UNKL: variants seen among roughly 807,000 people sequenced by gnomAD.
The protein encoded by UNKL is unk like zinc finger, also known as putative E3 ubiquitin-protein ligase UNKL.
A neutral mutation model predicts 78.0 loss-of-function variants in UNKL; 60 were observed. That is an observed-to-expected ratio of 0.77 (90% CI 0.63 to 0.95). The LOEUF is 0.95. Among genes scored for constraint, UNKL ranks in the 40% least tolerant of loss-of-function variants. The pLI, the probability that UNKL is intolerant of heterozygous loss-of-function variation, is 0.00. For synonymous variants in UNKL, 608 were observed against 474.8 expected, an observed-to-expected ratio of 1.28 and a Z score of -3.65; for missense variants, 1,159 against 1,045.7, an observed-to-expected ratio of 1.11 and a Z score of -1.49.
Position 1,366,096 on chromosome 16 carries a change from C to T in UNKL, c.*144G>A. ...TCAGGCCAAGCGCAGGCGGGGCTCC[C>T]AGCCTCATGATAACGTGTAACAGGA... On this transcript the variant is annotated 3_prime_UTR_variant, in exon 15 of 15. Transcript: ENST00000389221. 9.7e-7 allele frequency: 1 copy of T among 1,033,602 alleles called. No homozygotes were observed. Among genetic ancestry groups the T allele is most frequent in the Admixed American group, 3.4e-5 (1 of 29,764 alleles). 64.0% of individuals were successfully genotyped at this position (1,033,602 alleles called of 1,614,324 possible). A position where few individuals can be genotyped will look rare whatever the true frequency, so the allele number is the denominator to read the frequency against.
rs373842487 is a variant in UNKL, at chr16:1,401,532, C to G, written c.598+36G>C. The G allele has an allele frequency of 1.1e-3, 1,563 of 1,488,214 alleles. 12 individuals are homozygous for G. The highest frequency in any genetic ancestry group is 1.3e-3 in the Non-Finnish European group (1,419 of 1,109,758). 92.2% of individuals were successfully genotyped at this position (1,488,214 alleles called of 1,614,324 possible). A position where few individuals can be genotyped will look rare whatever the true frequency, so the allele number is the denominator to read the frequency against. On this transcript the variant is annotated intron_variant, in intron 4 of 14. Transcript: ENST00000389221. ...GCTGTTCTCGCGCTGTGCCCGCCCC[C>G]CCCACCACCGCCCTCAGCTGCGGCC...
chr16:1,407,103 C>T (rs902846883), intron 2 of UNKL, among the ~76,000 whole-genome samples: 8 of 149,818 alleles, frequency 5.3e-5, no homozygotes, highest in Non-Finnish European at 7.4e-5. Flanking sequence ...GAGCCGAGAT[C>T]GTGTCACTGC....
At chr16:1,377,059 G>A (rs962074675) in intron 10 of UNKL, among the ~76,000 whole-genome samples, 2 of 151,904 alleles carry the variant, frequency 1.3e-5, no homozygotes, top group Non-Finnish European at 2.9e-5. Flanking sequence ...GTCTTGCTCT[G>A]TCACCCAGGC....
chr16:1,383,041 C>A (rs1044017935), intron 10 of UNKL, among the ~76,000 whole-genome samples: 1 of 148,202 alleles, frequency 6.7e-6, no homozygotes, highest in Non-Finnish European at 1.5e-5. Context: ...GGGCAGATCA[C>A]GAGGTCAGGA....
intron 10 of UNKL, 48 bp downstream of exon 10, chr16:1,385,160 T>C: frequency 1.6e-6 from 2 of 1,221,660 alleles, no homozygotes; most frequent in Non-Finnish European, 2.1e-6. Flanking sequence ...AGCTACAGCA[T>C]GAACACAGAA....
intron 10 of UNKL, among the ~76,000 whole-genome samples, chr16:1,374,819 G>A (rs80230851): frequency 0.014 from 2,062 of 152,282 alleles, 48 homozygotes; most frequent in African/African-American, 0.046. Context: ...GCAGCCAAGG[G>A]GCCGCAGAGG....
chr16:1,411,816 G>T (rs1014657425), intron 2 of UNKL: 1 of 152,170 alleles, frequency 6.6e-6, no homozygotes, highest in East Asian at 1.9e-4. Flanking sequence ...CAGAGACTTC[G>T]TCTCAAAACA....
chr16:1,375,130 G>A (rs905047917), intron 10 of UNKL, among the ~76,000 whole-genome samples: 3 of 152,200 alleles, frequency 2.0e-5, no homozygotes, highest in Non-Finnish European at 4.4e-5. Flanking sequence ...CACCCCCCGA[G>A]CCCCCCAGGG....
intron 2 of UNKL, chr16:1,412,272 G>T (rs1194347579): frequency 1.3e-5 from 2 of 152,172 alleles, no homozygotes; most frequent in Admixed American, 1.3e-4. Context: ...TGTAAAAAAA[G>T]AAAAAAATCA....
intron 4 of UNKL, 45 bp downstream of exon 4, chr16:1,401,523 G>GC: frequency 2.0e-6 from 3 of 1,470,346 alleles, no homozygotes; most frequent in South Asian, 1.4e-5. Context: ...CTCGCGCTGT[G>GC]CCCGCCCCCC....
At position 1,393,383 on chromosome 16, in the gene UNKL, A is replaced by C. The variant is rs565415919; in HGVS notation, c.938-407T>G. ...GAGGAAACCCACTGCAGCGTGGAGG[A>C]GGCCGCATGGGTTCCCACTGAGTCC... is the stretch of plus-strand genomic sequence containing the variant. On this transcript the variant is annotated intron_variant, in intron 7 of 14. Transcript: ENST00000389221. Among the ~76,000 whole-genome samples, 45 of 152,116 alleles carry C rather than the reference A, an allele frequency of 3.0e-4. 1 individual carries two copies. Among genetic ancestry groups the C allele is most frequent in the African/African-American group, 9.4e-4 (39 of 41,502 alleles).
chr16:1,385,623 C>T (rs746842998), intron 9 of UNKL, among the ~76,000 whole-genome samples: 8 of 152,204 alleles, frequency 5.3e-5, no homozygotes, highest in Non-Finnish European at 7.3e-5. Context: ...GGGAGTGTCT[C>T]GTGAGCTTTT....
rs1197658091 is a variant in UNKL at position 1,403,022 on chromosome 16, A to C, written c.464+146T>G. ...AAGCAAAAAAAGGACTAACATCCAG[A>C]CTCAGAAAGAAATTCTGGAGGAGAG... On this transcript the variant is annotated intron_variant, in intron 3 of 14. Coordinates refer to ENST00000389221, the MANE Select transcript of UNKL (RefSeq NM_001372107.1). The surrounding 1 kb of genome is among the most constrained non-coding windows in gnomAD (Gnocchi z 4.8). 8 of 1,084,118 alleles carry C rather than the reference A, an allele frequency of 7.4e-6. No homozygotes were observed. Among genetic ancestry groups the C allele is most frequent in the African/African-American group, 3.2e-5 (2 of 62,622 alleles). 67.2% of individuals were successfully genotyped at this position (1,084,118 alleles called of 1,614,324 possible).
intron 2 of UNKL, among the ~76,000 whole-genome samples, chr16:1,411,733 G>A (rs1164103526): frequency 6.6e-6 from 1 of 152,124 alleles, no homozygotes; most frequent in African/African-American, 2.4e-5. Context: ...GCTGAGGCAG[G>A]AGAATCGCTT....
chr16:1,367,123 T>C lies in UNKL; in HGVS notation c.2015A>G (p.Gln672Arg). 1.3e-6 allele frequency: 2 copies of C among 1,589,904 alleles called. No individual in the cohort carries two copies. Among genetic ancestry groups the C allele is most frequent in the Non-Finnish European group, 1.7e-6 (2 of 1,171,294 alleles). ...CACCGCCTCCAGGTCCAGGCGCAGC[T>C]GACTCTGCAGCGAGTGCAGCTTCGG... The part of the protein sequence containing the change: ...PLPKLHSLQS[Q>R]LRLDLEAVDG... Residue 672 changes from glutamine to arginine, a missense_variant, in exon 14 of 15, where the codon CAG becomes CGG. Transcript: ENST00000389221.
intron 12 of UNKL, 53 bp downstream of exon 12, chr16:1,370,077 G>C: frequency 6.5e-7 from 1 of 1,547,084 alleles, no homozygotes; most frequent in Non-Finnish European, 8.7e-7. Context: ...ATCTGGGAGG[G>C]AGCCCCACGG....
intron 8 of UNKL, among the ~76,000 whole-genome samples, 178 bp downstream of exon 8, chr16:1,392,713 G>A (rs979031977): frequency 6.6e-6 from 1 of 152,252 alleles, no homozygotes; most frequent in African/African-American, 2.4e-5. Context: ...GGGATGACAG[G>A]CGTGAGCCAC....
Position 1,368,039 on chromosome 16 carries a change from G to A in UNKL, c.1586-181C>T. 4.9e-6 allele frequency: 3 copies of A among 618,214 alleles called. No individual in the cohort carries two copies. In the South Asian group the frequency reaches 6.0e-5, roughly 12 times the overall value. 38.3% of individuals were successfully genotyped at this position (618,214 alleles called of 1,614,324 possible). Reference sequence around the variant, plus strand: ...CACTCCTGGACCCCACCAGGCTCAGGAAGAGGCGCTGACAGTGACACCTGC... The same window carrying A: ...CACTCCTGGACCCCACCAGGCTCAGAAAGAGGCGCTGACAGTGACACCTGC... On this transcript the variant is annotated intron_variant, in intron 12 of 14. Coordinates refer to ENST00000389221, the MANE Select transcript of UNKL (RefSeq NM_001372107.1).
rs1372631695 is a variant in UNKL, at chr16:1,366,059, C to T, written c.*181G>A. On this transcript the variant is annotated 3_prime_UTR_variant, in exon 15 of 15. Coordinates refer to ENST00000389221, the MANE Select transcript of UNKL (RefSeq NM_001372107.1). ...GGACTAGATAGGTGACAACGTGTGA[C>T]AGGAAAGGCTGTCAGGCCAAGCGCA... 1 of 639,938 alleles carries T rather than the reference C, an allele frequency of 1.6e-6. No individual in the cohort carries two copies. The highest frequency in any genetic ancestry group is 1.8e-5 in the African/African-American group (1 of 54,110). 39.6% of individuals were successfully genotyped at this position (639,938 alleles called of 1,614,324 possible). A position where few individuals can be genotyped will look rare whatever the true frequency, so the allele number is the denominator to read the frequency against.
Sources: allele counts gnomAD v4.1 joint callset (sites outside exome capture counted in the v4.1 genomes callset), GRCh38; gene constraint gnomAD v4.1.1; non-coding constraint Gnocchi (gnomAD v3.1); transcripts MANE v1.5; gene names NCBI Gene and HGNC (gene_info 2026-07-23, HGNC 2026-07-21).